Variants in ADGB observed in about 807,000 individuals in gnomAD.
ADGB encodes the protein androglobin, also known as calpain-7-like protein.
ADGB carries 172 observed loss-of-function variants against 210.5 expected under a neutral mutation model. That is an observed-to-expected ratio of 0.82 (90% CI 0.72 to 0.93). ADGB has a LOEUF of 0.93. ADGB is among the 40% of genes least tolerant of loss of function. The pLI is 0.00. For synonymous variants in ADGB, 658 were observed against 662.7 expected (o/e 0.99, Z 0.11); for missense variants, 2,025 against 1,964.8 (o/e 1.03, Z -0.58).
intron 1 of ADGB, among the ~76,000 whole-genome samples, chr6:146,607,525 T>C (rs1454745988): frequency 6.6e-5 from 10 of 152,294 alleles, no homozygotes; most frequent in African/African-American, 1.9e-4. Context: ...ACGCTGGCTG[T>C]AGTTTTTCAT....
chr6:146,711,937 G>A (rs1776663266), intron 13 of ADGB, among the ~76,000 whole-genome samples: 1 of 151,780 alleles, frequency 6.6e-6, no homozygotes, highest in African/African-American at 2.4e-5. Context: ...CATGTCTGTT[G>A]TCCCAGCTCT....
intron 28 of ADGB, among the ~76,000 whole-genome samples, chr6:146,765,783 G>C (rs1301122169): frequency 6.6e-6 from 1 of 150,902 alleles, no homozygotes; most frequent in Non-Finnish European, 1.5e-5. Context: ...TAGGAAGCAG[G>C]GATGATTAAA....
At chr6:146,768,007 C>G (rs998099914) in intron 28 of ADGB, among the ~76,000 whole-genome samples, 2 of 152,088 alleles carry the variant, frequency 1.3e-5, no homozygotes, top group African/African-American at 4.8e-5. Flanking sequence ...CAGAAAACAC[C>G]CAGGAATTAA....
chr6:146,636,250 G>A (rs558296684), intron 2 of ADGB, among the ~76,000 whole-genome samples: 1 of 152,054 alleles, frequency 6.6e-6, no homozygotes, highest in South Asian at 2.1e-4. Context: ...TAATTTTCAA[G>A]ACATAAACAT....
At chr6:146,634,072 T>C (rs771246907) in intron 1 of ADGB, among the ~76,000 whole-genome samples, 1 of 152,082 alleles carries the variant, frequency 6.6e-6, no homozygotes, top group African/African-American at 2.4e-5. Flanking sequence ...ATACCGTGTT[T>C]TTACTGTATT....
intron 33 of ADGB, among the ~76,000 whole-genome samples, chr6:146,790,095 G>A (rs1052437326): frequency 2.0e-5 from 3 of 151,972 alleles, no homozygotes; most frequent in African/African-American, 7.2e-5. Context: ...GGGGTACAAT[G>A]GGATGTTTTG....
Position 146,672,479 on chromosome 6 carries a change from T to C in ADGB, c.1087+12T>C. ...CAAAGTTCCAAAGGGTAAGATATTTTACATCAAAATGTGATTCAGTATGGA... is the reference window on the plus strand; with the variant it reads ...CAAAGTTCCAAAGGGTAAGATATTTCACATCAAAATGTGATTCAGTATGGA... On this transcript the variant is annotated intron_variant, in intron 8 of 35. Coordinates refer to ENST00000397944, the MANE Select transcript of ADGB (RefSeq NM_024694.4). 6.6e-7 allele frequency: 1 copy of C among 1,523,740 alleles called. No individual in the cohort carries two copies. The highest frequency in any genetic ancestry group is 8.8e-7 in the Non-Finnish European group (1 of 1,136,858). 94.4% of individuals were successfully genotyped at this position (1,523,740 alleles called of 1,614,324 possible). A position where few individuals can be genotyped will look rare whatever the true frequency, so the allele number is the denominator to read the frequency against.
chr6:146,806,209 G>A (rs577604831), intron 35 of ADGB, among the ~76,000 whole-genome samples: 1 of 152,192 alleles, frequency 6.6e-6, no homozygotes, highest in Non-Finnish European at 1.5e-5. Context: ...TACTAAGACA[G>A]CTTTGAGTTC....
At chr6:146,803,057 T>A in intron 35 of ADGB, 3 of 1,560,658 alleles carry the variant, frequency 1.9e-6, no homozygotes, top group East Asian at 2.2e-5. Context: ...GCAACAAGTC[T>A]ACACAGCAGC....
At chr6:146,719,267 A>G (rs1414966370) in intron 16 of ADGB, among the ~76,000 whole-genome samples, 1 of 152,226 alleles carries the variant, frequency 6.6e-6, no homozygotes, top group Non-Finnish European at 1.5e-5. Flanking sequence ...GTTGCATAGA[A>G]GCTTTTGGTA....
intron 13 of ADGB, among the ~76,000 whole-genome samples, chr6:146,703,835 G>A (rs1044751824): frequency 2.0e-5 from 3 of 150,766 alleles, no homozygotes; most frequent in African/African-American, 7.3e-5. Flanking sequence ...TCAGAAGGAG[G>A]ATTGCTGGAT....
At chr6:146,809,673 A>G (rs1004447080) in intron 35 of ADGB, among the ~76,000 whole-genome samples, 5 of 152,214 alleles carry the variant, frequency 3.3e-5, no homozygotes, top group African/African-American at 1.2e-4. Context: ...CCCATAAATG[A>G]TCAACTAATT....
intron 9 of ADGB, among the ~76,000 whole-genome samples, chr6:146,678,192 T>C (rs1408037274): frequency 6.7e-6 from 1 of 149,460 alleles, no homozygotes; most frequent in Non-Finnish European, 1.5e-5. Flanking sequence ...TTCAAACTCA[T>C]ATGGAAAATA....
intron 29 of ADGB, among the ~76,000 whole-genome samples, chr6:146,776,702 T>A (rs1206903706): frequency 6.6e-6 from 1 of 152,100 alleles, no homozygotes. Flanking sequence ...GCCCCAGAAA[T>A]GCTTCATGGG....
chr6:146,677,320 AT>A (rs1303498134), intron 9 of ADGB, among the ~76,000 whole-genome samples: 1 of 151,990 alleles, frequency 6.6e-6, no homozygotes, highest in East Asian at 1.9e-4. Context: ...GCAGGTTATC[AT>A]TTTCACCTCA....
intron 5 of ADGB, among the ~76,000 whole-genome samples, chr6:146,661,308 C>A (rs1364568598): frequency 6.7e-6 from 1 of 149,138 alleles, no homozygotes; most frequent in Non-Finnish European, 1.5e-5. Context: ...GCAGCCTCCA[C>A]TCCTGGGATC....
chr6:146,786,530 A>C (rs77898356), intron 32 of ADGB, among the ~76,000 whole-genome samples: 2,577 of 152,308 alleles, frequency 0.017, 34 homozygotes, highest in Non-Finnish European at 0.026. Context: ...TAATTCTGTT[A>C]TCCTGGGATA....
chr6:146,701,651 T>G (rs1323454046), intron 13 of ADGB, among the ~76,000 whole-genome samples: 1 of 151,920 alleles, frequency 6.6e-6, no homozygotes, highest in Non-Finnish European at 1.5e-5. Context: ...ATGGCTCCCC[T>G]TAACAATTTT....
intron 35 of ADGB, among the ~76,000 whole-genome samples, chr6:146,811,896 G>T (rs1247718037): frequency 1.3e-5 from 2 of 151,846 alleles, no homozygotes; most frequent in Admixed American, 1.3e-4. Context: ...GGCTGATCTC[G>T]AACTCCTGAC....
Sources: gnomAD v4.1 joint callset for allele counts (sites outside exome capture counted in the v4.1 genomes callset) on GRCh38, gnomAD v4.1.1 for gene constraint, MANE v1.5 for transcripts, NCBI Gene and HGNC (gene_info 2026-07-23, HGNC 2026-07-21) for gene names.